The following KIF6 variants were observed in gnomAD, a reference collection of about 807,000 sequenced individuals.
The protein encoded by KIF6 is kinesin family member 6.
A neutral mutation model predicts 112.7 loss-of-function variants in KIF6; 106 were observed. The observed-to-expected ratio is 0.94, with a 90% CI of 0.80 to 1.11. The LOEUF (loss-of-function observed/expected upper bound fraction) is 1.11, where lower values mean the gene tolerates loss of function less well. KIF6 is among the 50% of genes least tolerant of loss of function. KIF6 has a pLI of 0.00. For missense variants in KIF6, 929 were observed against 964.0 expected (o/e 0.96, Z 0.48); for synonymous variants, 339 against 339.9 (o/e 1.00, Z 0.03).
At chr6:39,715,582 C>A (rs1286704959) in intron 2 of KIF6, among the ~76,000 whole-genome samples, 1 of 150,540 alleles carries the variant, frequency 6.6e-6, no homozygotes, top group African/African-American at 2.5e-5. Flanking sequence ...CGCCTCACTG[C>A]AACCTCTGCC....
intron 14 of KIF6, among the ~76,000 whole-genome samples, chr6:39,429,640 T>C (rs1056543837): frequency 1.2e-4 from 18 of 152,252 alleles, no homozygotes; most frequent in African/African-American, 3.9e-4. Flanking sequence ...CCAGGCGCAG[T>C]GGCTCATGCC....
At chr6:39,540,719 A>T (rs1360192710) in intron 12 of KIF6, among the ~76,000 whole-genome samples, 1 of 152,238 alleles carries the variant, frequency 6.6e-6, no homozygotes, top group African/African-American at 2.4e-5. Context: ...GTGCGGTGAC[A>T]AAGGTTCAGC....
chr6:39,458,072 A>C, intron 13 of KIF6, among the ~76,000 whole-genome samples: 1 of 151,968 alleles, frequency 6.6e-6, no homozygotes, highest in Non-Finnish European at 1.5e-5. Context: ...CAACCAAAAA[A>C]GAGAATCTTA....
intron 13 of KIF6, among the ~76,000 whole-genome samples, chr6:39,450,368 C>G (rs1285719541): frequency 1.3e-5 from 2 of 152,244 alleles, no homozygotes; most frequent in East Asian, 3.9e-4. Flanking sequence ...GGGATATAGT[C>G]GATACGGAAG....
intron 13 of KIF6, among the ~76,000 whole-genome samples, chr6:39,454,375 G>C (rs557144477): frequency 6.6e-6 from 1 of 152,156 alleles, no homozygotes; most frequent in Admixed American, 6.5e-5. Context: ...TGAATAGATA[G>C]AATGGAGGAA....
chr6:39,425,686 T>C (rs200675128), intron 14 of KIF6, among the ~76,000 whole-genome samples: 7 of 137,062 alleles, frequency 5.1e-5, no homozygotes, highest in East Asian at 2.1e-4. Flanking sequence ...TTTTTTTTTT[T>C]CCTGTGGCCA....
At chr6:39,477,984 A>C (rs1411444078) in intron 13 of KIF6, among the ~76,000 whole-genome samples, 1 of 152,226 alleles carries the variant, frequency 6.6e-6, no homozygotes, top group Non-Finnish European at 1.5e-5. Flanking sequence ...ATAAATTAAC[A>C]TATATCTATC....
chr6:39,525,818 T>TAAAA (rs1199866734), intron 13 of KIF6, among the ~76,000 whole-genome samples: 5 of 144,760 alleles, frequency 3.5e-5, no homozygotes, highest in African/African-American at 1.2e-4. Context: ...GATAAATAAA[T>TAAAA]AAATAAATAA....
At chr6:39,634,635 T>G (rs1455455248) in intron 5 of KIF6, among the ~76,000 whole-genome samples, 1 of 152,072 alleles carries the variant, frequency 6.6e-6, no homozygotes, top group Non-Finnish European at 1.5e-5. Flanking sequence ...AAAAGAGATT[T>G]TCCCAAGAAA....
At chr6:39,586,436 T>C (rs754235790) in intron 7 of KIF6, 32 bp from the exon 8 acceptor site, 92 of 1,596,892 alleles carry the variant, frequency 5.8e-5, no homozygotes, top group Non-Finnish European at 7.8e-5. Context: ...ATGGGATTAA[T>C]TTAGCAAGAA....
chr6:39,678,871 CTT>C (rs1241634291), intron 3 of KIF6, among the ~76,000 whole-genome samples: 1 of 152,100 alleles, frequency 6.6e-6, no homozygotes, highest in African/African-American at 2.4e-5. Flanking sequence ...ATTTTGGAGT[CTT>C]TACCATGGAA....
At chr6:39,582,705 G>A (rs1224180177) in intron 9 of KIF6, among the ~76,000 whole-genome samples, 6 of 152,032 alleles carry the variant, frequency 3.9e-5, no homozygotes, top group Admixed American at 2.6e-4. Flanking sequence ...GTGAGCCACC[G>A]TGCCTGGCCT....
rs764675176 is a variant in KIF6 at position 39,545,561 on chromosome 6, T to C, written c.1287+22A>G. The C allele has an allele frequency of 8.3e-6, 13 of 1,569,476 alleles. No individual in the cohort carries two copies. The Admixed American group carries it at 1.0e-4, about 12-fold the overall frequency. ...TGAACATGGCTGAAAATGGCTTCTA[T>C]TGGGGAAACATTTAAGTTTACCTTT... On this transcript the variant is annotated intron_variant, in intron 11 of 22. Transcript: ENST00000287152.
At chr6:39,439,621 T>A (rs918346871) in intron 13 of KIF6, among the ~76,000 whole-genome samples, 2 of 152,218 alleles carry the variant, frequency 1.3e-5, no homozygotes, top group South Asian at 2.1e-4. Context: ...GCTTTCAACA[T>A]CAGCCTCAGG....
chr6:39,641,575 A>G (rs1177089955), intron 3 of KIF6, among the ~76,000 whole-genome samples: 1 of 151,542 alleles, frequency 6.6e-6, no homozygotes, highest in African/African-American at 2.4e-5. Context: ...GCACACCAAC[A>G]TGGCACATGT....
intron 6 of KIF6, among the ~76,000 whole-genome samples, chr6:39,606,496 A>G (rs1782897452): frequency 6.6e-6 from 1 of 152,114 alleles, no homozygotes; most frequent in South Asian, 2.1e-4. Context: ...TCCCTTTCCT[A>G]AAGAGTAGCC....
At chr6:39,509,901 A>G (rs1168206965) in intron 13 of KIF6, among the ~76,000 whole-genome samples, 21 of 152,132 alleles carry the variant, frequency 1.4e-4, no homozygotes, top group Admixed American at 1.4e-3. Context: ...ATACTCCTTG[A>G]GAAGAGCAAC....
intron 15 of KIF6, among the ~76,000 whole-genome samples, chr6:39,408,538 T>C (rs1769248576): frequency 6.6e-6 from 1 of 152,154 alleles, no homozygotes; most frequent in Non-Finnish European, 1.5e-5. Context: ...TTTAACATAC[T>C]CACTGTTAAA....
intron 15 of KIF6, among the ~76,000 whole-genome samples, chr6:39,392,720 C>A (rs1767985314): frequency 6.6e-6 from 1 of 152,096 alleles, no homozygotes; most frequent in African/African-American, 2.4e-5. Flanking sequence ...CTGACTCAAA[C>A]ACAGCACAGA....
Sources: allele counts gnomAD v4.1 joint callset (sites outside exome capture counted in the v4.1 genomes callset), GRCh38; gene constraint gnomAD v4.1.1; transcripts MANE v1.5; gene names NCBI Gene and HGNC (gene_info 2026-07-23, HGNC 2026-07-21).